MAST4: variants seen among roughly 807,000 people sequenced by gnomAD.
MAST4 encodes microtubule associated serine/threonine kinase family member 4, also known as microtubule-associated serine/threonine-protein kinase 4.
Under a neutral mutation model 162.7 loss-of-function variants are expected in MAST4, and 89 were observed. The ratio of observed to expected loss-of-function variants is 0.55; its 90% CI spans 0.46 to 0.65. MAST4 has a LOEUF of 0.65. MAST4 is among the 30% of genes least tolerant of loss of function. MAST4 has a pLI of 0.00. For synonymous variants in MAST4, 1,479 were observed against 1,361.1 expected (o/e 1.09, Z -1.91); for missense variants, 3,153 against 3,374.0 (o/e 0.93, Z 1.62).
At chr5:66,820,227 C>T (rs1236479434) in intron 3 of MAST4, among the ~76,000 whole-genome samples, 1 of 152,048 alleles carries the variant, frequency 6.6e-6, no homozygotes, top group African/African-American at 2.4e-5. Context: ...TAATAATTTT[C>T]CTTGATCTTT....
Position 66,899,468 on chromosome 5 carries a change from TAGG to T in MAST4, c.643-481_643-479del, listed in dbSNP as rs201081993. Reference sequence around the variant, plus strand: ...ATCTTTTCCATTATTATTTTAAAAATAGGAAGTACAATATTTGGTATGCATAAT... The same window carrying T: ...ATCTTTTCCATTATTATTTTAAAAATAAGTACAATATTTGGTATGCATAAT... On this transcript the variant is annotated intron_variant, in intron 3 of 28. Transcript: ENST00000403625. 9.0e-3 allele frequency among the ~76,000 whole-genome samples: 1,369 copies of T among 152,318 alleles called. 22 individuals carry two copies. Among genetic ancestry groups the T allele is most frequent in the African/African-American group, 0.031 (1,285 of 41,568 alleles).
intron 7 of MAST4, 26 bp from the exon 8 acceptor site, chr5:67,100,409 T>C (rs767264597): frequency 3.4e-5 from 55 of 1,613,086 alleles, no homozygotes; most frequent in Admixed American, 1.3e-4. Flanking sequence ...GAGGTAGTTA[T>C]GTGACCTCAC....
At chr5:67,033,660 A>G (rs1310182887) in intron 4 of MAST4, among the ~76,000 whole-genome samples, 1 of 152,122 alleles carries the variant, frequency 6.6e-6, no homozygotes, top group Non-Finnish European at 1.5e-5. Flanking sequence ...ATTTCGTTAT[A>G]TGATAAGCTG....
chr5:66,694,127 G>A (rs566180710), intron 1 of MAST4, among the ~76,000 whole-genome samples: 5 of 152,242 alleles, frequency 3.3e-5, no homozygotes, highest in Admixed American at 6.5e-5. Flanking sequence ...GTCAGGGAGC[G>A]CATTGAAAGA....
At chr5:67,083,860 A>C (rs1046759055) in intron 5 of MAST4, among the ~76,000 whole-genome samples, 7 of 152,188 alleles carry the variant, frequency 4.6e-5, no homozygotes, top group African/African-American at 1.7e-4. Context: ...AGGAAGGTGA[A>C]TTACTGTAGA....
intron 3 of MAST4, among the ~76,000 whole-genome samples, chr5:66,869,914 G>A (rs1243139402): frequency 6.6e-6 from 1 of 152,136 alleles, no homozygotes; most frequent in African/African-American, 2.4e-5. Context: ...ACAGTGGGTA[G>A]TACTTGCTTC....
chr5:66,707,160 C>G (rs1182763325), intron 1 of MAST4, among the ~76,000 whole-genome samples: 1 of 152,156 alleles, frequency 6.6e-6, no homozygotes, highest in East Asian at 1.9e-4. Context: ...ACTTCCAGTC[C>G]CTCCTTGGGG....
chr5:66,695,866 G>A (rs1029722707), intron 1 of MAST4, among the ~76,000 whole-genome samples: 9 of 152,196 alleles, frequency 5.9e-5, no homozygotes, highest in Admixed American at 3.9e-4. Context: ...ATACCCAAAG[G>A]AATATAAATC....
chr5:66,747,541 A>T (rs1752844157), intron 1 of MAST4, among the ~76,000 whole-genome samples: 1 of 152,320 alleles, frequency 6.6e-6, no homozygotes, highest in Non-Finnish European at 1.5e-5. Flanking sequence ...TTGCTCAGCA[A>T]ATTATTTGCT....
chr5:66,740,423 C>T (rs1752420372), intron 1 of MAST4, among the ~76,000 whole-genome samples: 1 of 152,194 alleles, frequency 6.6e-6, no homozygotes, highest in Non-Finnish European at 1.5e-5. Context: ...CACAGGTCCA[C>T]ATGGAAAATG....
intron 3 of MAST4, among the ~76,000 whole-genome samples, chr5:66,839,077 G>C (rs1028242144): frequency 1.6e-4 from 24 of 152,172 alleles, no homozygotes; most frequent in Non-Finnish European, 3.4e-4. Context: ...CAGTGAAATG[G>C]AGAAAGGCAA....
chr5:66,916,599 T>C (rs751993767), intron 4 of MAST4, among the ~76,000 whole-genome samples: 4 of 152,168 alleles, frequency 2.6e-5, no homozygotes, highest in African/African-American at 9.7e-5. Context: ...ATCCACAACC[T>C]TAGGTAGTCA....
intron 3 of MAST4, among the ~76,000 whole-genome samples, chr5:66,803,898 T>C (rs973318139): frequency 4.6e-5 from 7 of 152,102 alleles, no homozygotes; most frequent in African/African-American, 1.4e-4. Flanking sequence ...ATAAAGAGAA[T>C]GCTTTCCACA....
chr5:66,984,801 A>T (rs571689671), intron 4 of MAST4, among the ~76,000 whole-genome samples: 3 of 152,096 alleles, frequency 2.0e-5, no homozygotes, highest in African/African-American at 7.2e-5. Flanking sequence ...AAAAACAAGG[A>T]TGGGTCCTAG....
At chr5:66,931,284 G>T (rs957249100) in intron 4 of MAST4, among the ~76,000 whole-genome samples, 9 of 151,942 alleles carry the variant, frequency 5.9e-5, no homozygotes, top group African/African-American at 2.2e-4. Flanking sequence ...CATTTACAAG[G>T]GTTTTTTAAA....
intron 3 of MAST4, among the ~76,000 whole-genome samples, chr5:66,807,421 G>A (rs941376107): frequency 2.0e-5 from 3 of 152,038 alleles, no homozygotes; most frequent in Middle Eastern, 3.4e-3. Context: ...GCGTGAACCC[G>A]GGAAGCGGAG....
chr5:66,812,069 C>T lies in MAST4; in HGVS notation c.642+23275C>T, dbSNP rs114158227. Among the ~76,000 whole-genome samples, 903 of 152,138 alleles carry T rather than the reference C, an allele frequency of 5.9e-3. 9 individuals carry two copies. The highest frequency in any genetic ancestry group is 0.02 in the African/African-American group (815 of 41,494). ...GTGTTTGGGTCGGGAGGGAGAGAAC[C>T]GCAAACAACATGATGCAAGGCTGGC... On this transcript the variant is annotated intron_variant, in intron 3 of 28. Coordinates refer to ENST00000403625, the MANE Select transcript of MAST4 (RefSeq NM_001164664.2).
At chr5:67,123,994 G>C (rs567944438) in intron 14 of MAST4, among the ~76,000 whole-genome samples, 1 of 152,146 alleles carries the variant, frequency 6.6e-6, no homozygotes, top group Non-Finnish European at 1.5e-5. Context: ...ACGGAGTCAC[G>C]TATTGGGCTC....
At chr5:67,003,794 T>A (rs1457064854) in intron 4 of MAST4, 1 of 152,240 alleles carries the variant, frequency 6.6e-6, no homozygotes, top group African/African-American at 2.4e-5. Context: ...TTGTAGCATT[T>A]GCCACATAAA....
Sources: allele counts gnomAD v4.1 joint callset (sites outside exome capture counted in the v4.1 genomes callset), GRCh38; gene constraint gnomAD v4.1.1; transcripts MANE v1.5; gene names NCBI Gene and HGNC (gene_info 2026-07-23, HGNC 2026-07-21).